Variants in NPSR1 observed in about 807,000 individuals in gnomAD.
NPSR1 encodes neuropeptide S receptor 1.
A neutral mutation model predicts 46.9 loss-of-function variants in NPSR1; 48 were observed. The ratio of observed to expected loss-of-function variants is 1.02; its 90% CI spans 0.81 to 1.30. The LOEUF (loss-of-function observed/expected upper bound fraction) is 1.30. Ranked by LOEUF, NPSR1 falls within the 50% of genes most tolerant of loss-of-function variation. The pLI, the probability that NPSR1 is intolerant of heterozygous loss-of-function variation, is 0.00. For missense variants in NPSR1, 450 were observed against 449.5 expected (o/e 1.00, Z -0.01); for synonymous variants, 176 against 168.1 (o/e 1.05, Z -0.36).
intron 5 of NPSR1, among the ~76,000 whole-genome samples, chr7:34,828,422 C>A (rs1043456764): frequency 1.3e-5 from 2 of 152,228 alleles, no homozygotes; most frequent in Non-Finnish European, 2.9e-5. Context: ...GGTCTTTCAA[C>A]AGAGATTAGC....
At chr7:34,771,568 G>T (rs993453176) in intron 2 of NPSR1, among the ~76,000 whole-genome samples, 1 of 152,182 alleles carries the variant, frequency 6.6e-6, no homozygotes, top group African/African-American at 2.4e-5. Context: ...GGCAACCAAA[G>T]AAGGGAATGA....
chr7:34,697,924 A>G (rs1189502125), intron 2 of NPSR1, among the ~76,000 whole-genome samples: 1 of 152,146 alleles, frequency 6.6e-6, no homozygotes, highest in Non-Finnish European at 1.5e-5. Context: ...TAAAATAACA[A>G]GATTGTCAGA....
intron 2 of NPSR1, among the ~76,000 whole-genome samples, chr7:34,691,130 GC>G (rs1793228934): frequency 6.6e-6 from 1 of 152,114 alleles, no homozygotes; most frequent in South Asian, 2.1e-4. Flanking sequence ...GCCATGCTAA[GC>G]TTTATAAATG....
chr7:34,708,826 A>G (rs953710458), intron 2 of NPSR1, among the ~76,000 whole-genome samples: 2 of 152,186 alleles, frequency 1.3e-5, no homozygotes, highest in Non-Finnish European at 2.9e-5. Context: ...ATAAATTGCA[A>G]TTGTGTTTCC....
intron 8 of NPSR1, among the ~76,000 whole-genome samples, chr7:34,867,857 G>A (rs2128769341): frequency 6.6e-6 from 1 of 151,938 alleles, no homozygotes; most frequent in East Asian, 1.9e-4. Flanking sequence ...GGAAAAGGAG[G>A]AACTCCAAAA....
At chr7:34,864,402 C>A (rs1791263156) in intron 8 of NPSR1, among the ~76,000 whole-genome samples, 5 of 151,230 alleles carry the variant, frequency 3.3e-5, no homozygotes, top group South Asian at 2.1e-4. Flanking sequence ...AAAAGACACT[C>A]CAGCAATAAA....
At chr7:34,740,287 A>C (rs1436999609) in intron 2 of NPSR1, among the ~76,000 whole-genome samples, 1 of 151,922 alleles carries the variant, frequency 6.6e-6, no homozygotes, top group Non-Finnish European at 1.5e-5. Context: ...GTTTCCAGGC[A>C]GTGGGTGAGC....
At position 34,747,912 on chromosome 7, in the gene NPSR1, C is replaced by T. The variant is rs1255959653; in HGVS notation, c.281-30550C>T. Among the ~76,000 whole-genome samples the T allele has an allele frequency of 3.3e-5, 5 of 152,330 alleles. No homozygotes were observed. The East Asian group carries it at 9.7e-4, about 29-fold the overall frequency. ...GGGTGGGACGAGTTAAAGAAGGGAT[C>T]TGGACACTGCTGCCTCTCTGCCTTC... On this transcript the variant is annotated intron_variant, in intron 2 of 8. Transcript: ENST00000360581.
intron 2 of NPSR1, among the ~76,000 whole-genome samples, chr7:34,775,720 C>T (rs1011567297): frequency 2.0e-5 from 3 of 152,058 alleles, no homozygotes; most frequent in Admixed American, 1.3e-4. Context: ...TTCTTCATCT[C>T]AATTTCATTT....
intron 2 of NPSR1, among the ~76,000 whole-genome samples, chr7:34,708,107 T>C (rs1449292888): frequency 1.3e-5 from 2 of 152,154 alleles, no homozygotes; most frequent in African/African-American, 2.4e-5. Flanking sequence ...TCTCTAAGCA[T>C]GTCACATTGT....
intron 6 of NPSR1, among the ~76,000 whole-genome samples, chr7:34,844,467 T>G (rs989162170): frequency 6.6e-6 from 1 of 152,146 alleles, no homozygotes; most frequent in Non-Finnish European, 1.5e-5. Context: ...TGTTTTTTTT[T>G]TGATGAATGT....
chr7:34,823,399 GAA>G (rs577186339), intron 4 of NPSR1, among the ~76,000 whole-genome samples: 5 of 68,268 alleles, frequency 7.3e-5, no homozygotes, highest in African/African-American at 2.0e-4. Context: ...GACTTCACCA[GAA>G]AAAAAAAAAA....
intron 2 of NPSR1, among the ~76,000 whole-genome samples, chr7:34,752,394 T>G (rs1785585499): frequency 6.6e-6 from 1 of 152,182 alleles, no homozygotes; most frequent in African/African-American, 2.4e-5. Flanking sequence ...AGGAGTTTCC[T>G]TAGACCCCCA....
chr7:34,844,870 T>C (rs752322817), intron 6 of NPSR1, 26 bp from the exon 7 acceptor site: 11 of 1,409,974 alleles, frequency 7.8e-6, no homozygotes. Context: ...ACACTTCATC[T>C]TACTATTCCC....
Position 34,785,115 on chromosome 7 carries a change from A to C in NPSR1, c.384+6550A>C, listed in dbSNP as rs1476963510. On this transcript the variant is annotated intron_variant, in intron 3 of 8. Transcript: ENST00000360581. ...ATTGTGGCACTATTCACAATAGCAA[A>C]GACTTGGAACCAACCCAAATGTCCA... 5.3e-5 allele frequency among the ~76,000 whole-genome samples: 8 copies of C among 151,848 alleles called. No homozygotes were observed. In the East Asian group the frequency reaches 1.6e-3, roughly 29 times the overall value.
intron 2 of NPSR1, among the ~76,000 whole-genome samples, chr7:34,756,429 G>A (rs895128078): frequency 6.6e-6 from 1 of 152,190 alleles, no homozygotes; most frequent in African/African-American, 2.4e-5. Context: ...AATGGAAAGA[G>A]CAGGGGTCTA....
chr7:34,777,602 T>G (rs980761315), intron 2 of NPSR1, among the ~76,000 whole-genome samples: 1 of 152,058 alleles, frequency 6.6e-6, no homozygotes, highest in Non-Finnish European at 1.5e-5. Context: ...TGTGTGTAGA[T>G]AGTTGCTAAA....
At chr7:34,835,848 A>G (rs1050986573) in intron 6 of NPSR1, among the ~76,000 whole-genome samples, 1 of 152,188 alleles carries the variant, frequency 6.6e-6, no homozygotes, top group Non-Finnish European at 1.5e-5. Context: ...TCGCCTGGGG[A>G]GGTTTTACAA....
chr7:34,817,809 G>A (rs1193779209), intron 4 of NPSR1, among the ~76,000 whole-genome samples: 1 of 152,068 alleles, frequency 6.6e-6, no homozygotes, highest in African/African-American at 2.4e-5. Flanking sequence ...CAGAACCAAT[G>A]ACAAAAATCA....
Sources: gnomAD v4.1 joint callset for allele counts (sites outside exome capture counted in the v4.1 genomes callset) on GRCh38, gnomAD v4.1.1 for gene constraint, MANE v1.5 for transcripts, NCBI Gene and HGNC (gene_info 2026-07-23, HGNC 2026-07-21) for gene names.